The following LCOR variants were observed in gnomAD, a reference collection of about 807,000 sequenced individuals.
LCOR encodes the protein ligand-dependent corepressor.
A neutral mutation model predicts 64.4 loss-of-function variants in LCOR; 14 were observed. That is an observed-to-expected ratio of 0.22 (90% CI 0.14 to 0.34). The LOEUF is 0.34. LCOR is among the 10% of genes least tolerant of loss of function. The pLI is 1.00. For synonymous variants in LCOR, 643 were observed against 642.5 expected (o/e 1.00, Z -0.01); for missense variants, 1,686 against 1,765.3 (o/e 0.96, Z 0.80).
intron 2 of LCOR, among the ~76,000 whole-genome samples, chr10:96,879,915 G>A (rs1049335797): frequency 6.6e-6 from 1 of 152,122 alleles, no homozygotes; most frequent in African/African-American, 2.4e-5. Flanking sequence ...TGCCCACCTC[G>A]GCCTCCCAAA....
At chr10:96,837,645 C>T (rs2790466) in intron 2 of LCOR, among the ~76,000 whole-genome samples, 9,836 of 152,282 alleles carry the variant, frequency 0.065, 518 homozygotes, top group Non-Finnish European at 0.091. Context: ...GAGGTTATGC[C>T]TTCCATTGCT....
rs776057451 is a variant in LCOR at position 96,986,490 on chromosome 10, A to G, written c.*1356A>G. 2.0e-5 allele frequency: 3 copies of G among 152,210 alleles called. No individual in the cohort carries two copies. Among genetic ancestry groups the G allele is most frequent in the Non-Finnish European group, 4.4e-5 (3 of 68,054 alleles). 9.4% of individuals were successfully genotyped at this position (152,210 alleles called of 1,614,324 possible). ...TAGACGTTCATTCTGATTGATTAAC[A>G]CCATCCTAGTAGTTAAATGCTTGTA... On this transcript the variant is annotated 3_prime_UTR_variant, in exon 8 of 8. Transcript: ENST00000421806.
At chr10:96,957,641 A>G (rs1847806620) in intron 7 of LCOR, 1 of 985,234 alleles carries the variant, frequency 1.0e-6, no homozygotes, top group South Asian at 4.7e-5. Context: ...TAACAGTTTG[A>G]GGGGAGGTCC....
chr10:96,885,891 T>C (rs1846335123), intron 2 of LCOR, among the ~76,000 whole-genome samples: 1 of 152,126 alleles, frequency 6.6e-6, no homozygotes, highest in African/African-American at 2.4e-5. Context: ...CCTTAATGAT[T>C]TTAAAGATTG....
intron 2 of LCOR, among the ~76,000 whole-genome samples, chr10:96,872,445 C>A (rs557366835): frequency 6.6e-6 from 1 of 152,088 alleles, no homozygotes; most frequent in African/African-American, 2.4e-5. Context: ...GTAGTCCTGG[C>A]GCTTTGGGAG....
intron 2 of LCOR, among the ~76,000 whole-genome samples, chr10:96,883,715 T>G (rs1041373805): frequency 7.2e-5 from 11 of 152,218 alleles, no homozygotes; most frequent in Admixed American, 5.2e-4. Flanking sequence ...ATTTTAAGAA[T>G]CTTGTGTATA....
intron 2 of LCOR, among the ~76,000 whole-genome samples, chr10:96,842,557 G>C (rs940233465): frequency 1.3e-5 from 2 of 151,688 alleles, no homozygotes; most frequent in South Asian, 2.1e-4. Context: ...ATAGTAACAG[G>C]CTCCTCTGGT....
chr10:96,861,865 A>G (rs1207680014), intron 2 of LCOR, among the ~76,000 whole-genome samples: 6 of 152,136 alleles, frequency 3.9e-5, no homozygotes, highest in East Asian at 1.9e-4. Flanking sequence ...TTCCAACACT[A>G]TCTACCTGGA....
At chr10:96,920,600 GTATA>G in intron 4 of LCOR, among the ~76,000 whole-genome samples, 1 of 143,410 alleles carries the variant, frequency 7.0e-6, no homozygotes, top group East Asian at 2.0e-4. Flanking sequence ...ATATATGTAT[GTATA>G]TTCATATATG....
At chr10:96,956,959 AT>A in intron 7 of LCOR, 2 of 985,152 alleles carry the variant, frequency 2.0e-6, no homozygotes, top group Non-Finnish European at 2.4e-6. Context: ...TGCAAAAGTG[AT>A]ACTTAGATTT....
chr10:96,837,229 A>G (rs1198298965), intron 2 of LCOR, among the ~76,000 whole-genome samples: 3 of 151,892 alleles, frequency 2.0e-5, no homozygotes, highest in Non-Finnish European at 4.4e-5. Context: ...TGACCTCGTG[A>G]TCTGCCCGCC....
Position 96,861,808 on chromosome 10 carries a change from A to G in LCOR, c.-330+28329A>G, listed in dbSNP as rs541183443. 7.2e-5 allele frequency among the ~76,000 whole-genome samples: 11 copies of G among 152,290 alleles called. No individual in the cohort carries two copies. In the South Asian group the frequency reaches 2.3e-3, roughly 32 times the overall value. On this transcript the variant is annotated intron_variant, in intron 2 of 7. Coordinates refer to ENST00000421806, the MANE Select transcript of LCOR (RefSeq NM_001346516.2). ...TGGCCTCCCAAAGTGCTGGGATTGC[A>G]GGTGTGAGTCACTGCGCCCAACCAA...
intron 4 of LCOR, among the ~76,000 whole-genome samples, chr10:96,941,192 ACC>A (rs1156526327): frequency 1.2e-5 from 1 of 81,588 alleles, no homozygotes; most frequent in African/African-American, 6.2e-5. Flanking sequence ...CGGGGGGCTG[ACC>A]CCCCCACCTC....
intron 2 of LCOR, among the ~76,000 whole-genome samples, chr10:96,881,521 G>A (rs2225344): frequency 0.35 from 53,123 of 151,284 alleles, 13,259 homozygotes; most frequent in African/African-American, 0.7. Flanking sequence ...CAGTGGCGCA[G>A]TCTCAGCTCA....
intron 2 of LCOR, among the ~76,000 whole-genome samples, chr10:96,856,124 G>A (rs552495999): frequency 7.9e-4 from 119 of 151,496 alleles, no homozygotes; most frequent in South Asian, 2.1e-3. Flanking sequence ...AGGCTGGAGT[G>A]CAGTGGCGCA....
At chr10:96,841,770 A>G (rs1845545846) in intron 2 of LCOR, among the ~76,000 whole-genome samples, 1 of 151,344 alleles carries the variant, frequency 6.6e-6, no homozygotes, top group African/African-American at 2.4e-5. Flanking sequence ...ATAAATAAAT[A>G]ATAAAAAAAT....
At chr10:96,912,615 C>CCTTCCTTT (rs1846861678) in intron 4 of LCOR, among the ~76,000 whole-genome samples, 1 of 136,804 alleles carries the variant, frequency 7.3e-6, no homozygotes, top group African/African-American at 3.0e-5. Flanking sequence ...TTTCTTCCTT[C>CCTTCCTTT]CTTCCTTCCT....
At chr10:96,967,469 A>C (rs950499895) in intron 7 of LCOR, among the ~76,000 whole-genome samples, 5 of 152,180 alleles carry the variant, frequency 3.3e-5, no homozygotes, top group African/African-American at 4.8e-5. Flanking sequence ...AACTTGGTGC[A>C]CTAGAAAGAT....
intron 4 of LCOR, among the ~76,000 whole-genome samples, chr10:96,932,609 G>T (rs1038250214): frequency 1.3e-5 from 2 of 151,928 alleles, no homozygotes; most frequent in African/African-American, 2.4e-5. Flanking sequence ...GACTACAGGC[G>T]CACGCCACCA....
Sources: allele counts gnomAD v4.1 joint callset (sites outside exome capture counted in the v4.1 genomes callset), GRCh38; gene constraint gnomAD v4.1.1; transcripts MANE v1.5; gene names NCBI Gene and HGNC (gene_info 2026-07-23, HGNC 2026-07-21).